IMMP2L: variants seen among roughly 807,000 people sequenced by gnomAD.
IMMP2L encodes the protein mitochondrial inner membrane protease subunit 2.
A neutral mutation model predicts 19.3 loss-of-function variants in IMMP2L; 18 were observed. The observed-to-expected ratio is 0.93, with a 90% confidence interval of 0.64 to 1.38. The LOEUF is 1.38. Ranked by LOEUF, IMMP2L falls within the 40% of genes most tolerant of loss-of-function variation. The pLI is 0.00. For missense variants in IMMP2L, 233 were observed against 218.2 expected (o/e 1.07, Z -0.43); for synonymous variants, 76 against 73.0 (o/e 1.04, Z -0.21).
At chr7:111,402,814 A>G (rs1422489137) in intron 3 of IMMP2L, among the ~76,000 whole-genome samples, 1 of 151,442 alleles carries the variant, frequency 6.6e-6, no homozygotes, top group Non-Finnish European at 1.5e-5. Context: ...ACTATTTCCT[A>G]ATACCTTCAC....
chr7:111,307,658 T>G (rs754189084), intron 3 of IMMP2L, among the ~76,000 whole-genome samples: 4 of 151,802 alleles, frequency 2.6e-5, no homozygotes, highest in Admixed American at 6.6e-5. Flanking sequence ...CAAGTTACTA[T>G]GTTCCCCATA....
At chr7:111,346,330 T>G (rs188728701) in intron 3 of IMMP2L, among the ~76,000 whole-genome samples, 1 of 152,166 alleles carries the variant, frequency 6.6e-6, no homozygotes, top group Non-Finnish European at 1.5e-5. Flanking sequence ...TGTCCTGGGC[T>G]ATTTCAGGAG....
chr7:111,010,734 G>T (rs1824853596), intron 3 of IMMP2L, among the ~76,000 whole-genome samples: 1 of 152,092 alleles, frequency 6.6e-6, no homozygotes. Flanking sequence ...TACTTTGGAA[G>T]AAATCAGATA....
intron 4 of IMMP2L, among the ~76,000 whole-genome samples, chr7:110,900,127 T>C (rs910185407): frequency 1.3e-5 from 2 of 152,194 alleles, no homozygotes; most frequent in African/African-American, 4.8e-5. Context: ...TCATATGGTA[T>C]ATGTCTGACC....
At chr7:111,473,745 A>G (rs6944377) in intron 3 of IMMP2L, among the ~76,000 whole-genome samples, 117,382 of 152,162 alleles carry the variant, frequency 0.77, 46,344 homozygotes, top group African/African-American at 0.94. Context: ...TTCAGCCACT[A>G]TGGAAAGAAG....
chr7:110,740,969 G>A (rs955813079), intron 5 of IMMP2L, among the ~76,000 whole-genome samples: 2 of 150,824 alleles, frequency 1.3e-5, no homozygotes, highest in African/African-American at 4.9e-5. Flanking sequence ...CTTTGATCCA[G>A]CAATCCCACT....
chr7:111,230,754 A>C (rs555796220), intron 3 of IMMP2L, among the ~76,000 whole-genome samples: 1 of 152,194 alleles, frequency 6.6e-6, no homozygotes, highest in Non-Finnish European at 1.5e-5. Context: ...GTATGAGAGC[A>C]AGAAACAGTA....
chr7:111,128,625 G>T (rs952469940), intron 3 of IMMP2L, among the ~76,000 whole-genome samples: 1 of 152,136 alleles, frequency 6.6e-6, no homozygotes, highest in African/African-American at 2.4e-5. Flanking sequence ...AAGAGATCAA[G>T]ACCATCCTGG....
intron 3 of IMMP2L, among the ~76,000 whole-genome samples, chr7:111,294,885 T>C (rs919709787): frequency 2.6e-5 from 4 of 151,962 alleles, no homozygotes; most frequent in Non-Finnish European, 4.4e-5. Context: ...GGGTATTTCT[T>C]ACCCCAGCTA....
chr7:110,765,547 C>A (rs1487406372), intron 5 of IMMP2L, among the ~76,000 whole-genome samples: 1 of 151,956 alleles, frequency 6.6e-6, no homozygotes, highest in Non-Finnish European at 1.5e-5. Context: ...ATTTAGGATT[C>A]TATATTCAGT....
In IMMP2L at chr7:111,547,567, G is replaced by C. The variant is rs371998071; in HGVS notation, c.-3+14284C>G. On this transcript the variant is annotated intron_variant, in intron 1 of 5. Transcript: ENST00000405709. ...TTTTTTTAATTTTTTATTTATTTAG[G>C]TTGGGGGAGACAGGGCCTTGTTCTG... 2.3e-3 allele frequency among the ~76,000 whole-genome samples: 325 copies of C among 139,884 alleles called. 2 individuals are homozygous for C. Among genetic ancestry groups the C allele is most frequent in the African/African-American group, 8.3e-3 (307 of 37,086 alleles). The allele number at this position is 139,884 out of a possible 152,430, so 91.8% of individuals were successfully genotyped here.
At chr7:110,922,814 G>A (rs755830056) in intron 4 of IMMP2L, among the ~76,000 whole-genome samples, 6 of 152,218 alleles carry the variant, frequency 3.9e-5, no homozygotes, top group East Asian at 3.9e-4. Flanking sequence ...ACTGTTTCTC[G>A]CTAAAGTCTG....
In IMMP2L at chr7:111,233,694, T is replaced by A. The variant is rs531603753; in HGVS notation, c.239+253544A>T. Reference sequence around the variant, plus strand: ...AGTATCAGATTGGCCTTTTATTGGCTTATTGGTATTTAGTGCCAGCACTTA... The same window carrying A: ...AGTATCAGATTGGCCTTTTATTGGCATATTGGTATTTAGTGCCAGCACTTA... On this transcript the variant is annotated intron_variant, in intron 3 of 5. Coordinates refer to ENST00000405709, the MANE Select transcript of IMMP2L (RefSeq NM_032549.4). Among the ~76,000 whole-genome samples, 189 of 152,224 alleles carry A rather than the reference T, an allele frequency of 1.2e-3. 1 individual carries two copies. The highest frequency in any genetic ancestry group is 0.01 in the Middle Eastern group (3 of 294).
chr7:111,227,819 A>AAT (rs548433360), intron 3 of IMMP2L, among the ~76,000 whole-genome samples: 26 of 152,080 alleles, frequency 1.7e-4, no homozygotes, highest in Non-Finnish European at 3.5e-4. Context: ...ATCTACAAAA[A>AAT]ATATATATAT....
chr7:111,326,949 A>G (rs1295897227), intron 3 of IMMP2L, among the ~76,000 whole-genome samples: 3 of 151,850 alleles, frequency 2.0e-5, no homozygotes, highest in Non-Finnish European at 4.4e-5. Flanking sequence ...TAGCCAAGAT[A>G]TGGAATCAAC....
At chr7:111,320,324 C>A (rs116325598) in intron 3 of IMMP2L, among the ~76,000 whole-genome samples, 1,828 of 152,222 alleles carry the variant, frequency 0.012, 42 homozygotes, top group African/African-American at 0.041. Flanking sequence ...TCTGCCTCTT[C>A]CCATTCTTAC....
intron 3 of IMMP2L, among the ~76,000 whole-genome samples, chr7:110,984,689 TTTC>T (rs1247313622): frequency 6.6e-6 from 1 of 152,100 alleles, no homozygotes; most frequent in Non-Finnish European, 1.5e-5. Flanking sequence ...CTTCTAATAT[TTTC>T]TTCTTAGTCG....
At chr7:110,808,141 C>G (rs1801757838) in intron 5 of IMMP2L, among the ~76,000 whole-genome samples, 2 of 152,020 alleles carry the variant, frequency 1.3e-5, no homozygotes, top group African/African-American at 2.4e-5. Context: ...TACTCAGTGT[C>G]TGCTTAAAAT....
chr7:111,361,575 C>G (rs976719641), intron 3 of IMMP2L, among the ~76,000 whole-genome samples: 2 of 151,990 alleles, frequency 1.3e-5, no homozygotes, highest in Non-Finnish European at 2.9e-5. Flanking sequence ...CTTGTTCTAT[C>G]GAAACTCAAC....
Sources: gnomAD v4.1 joint callset for allele counts (sites outside exome capture counted in the v4.1 genomes callset) on GRCh38, gnomAD v4.1.1 for gene constraint, MANE v1.5 for transcripts, NCBI Gene and HGNC (gene_info 2026-07-23, HGNC 2026-07-21) for gene names.